MMP26: variants seen among roughly 807,000 people sequenced by gnomAD.
MMP26 encodes matrix metallopeptidase 26, also known as matrix metalloproteinase-26.
MMP26 carries 33 observed loss-of-function variants against 31.0 expected under a neutral mutation model. The ratio of observed to expected loss-of-function variants is 1.06; its 90% confidence interval spans 0.81 to 1.42. The LOEUF is 1.42. Ranked by LOEUF, MMP26 falls within the 40% of genes most tolerant of loss-of-function variation. MMP26 has a pLI of 0.00. For missense variants in MMP26, 347 were observed against 316.1 expected (o/e 1.10, Z -0.74); for synonymous variants, 122 against 114.9 (o/e 1.06, Z -0.40).
rs535292433 is a variant in MMP26 at position 4,751,310 on chromosome 11, A to G, written c.-216-15960A>G. ...AGTCTTGTGAAAGCTATAATAATGT[A>G]CACACAGGTGTGCACACATATAAAG... On this transcript the variant is annotated intron_variant, in intron 1 of 7. Coordinates refer to ENST00000380390, the MANE Select transcript of MMP26 (RefSeq NM_021801.5). Among the ~76,000 whole-genome samples the G allele has an allele frequency of 6.0e-4, 91 of 152,300 alleles. 1 individual carries two copies. Among genetic ancestry groups the G allele is most frequent in the Admixed American group, 2.9e-3 (45 of 15,286 alleles).
intron 2 of MMP26, chr11:4,937,971 C>G (rs1453287452): frequency 1.3e-5 from 2 of 152,076 alleles, no homozygotes; most frequent in African/African-American, 4.8e-5. Context: ...TGACTGTAAA[C>G]AGATGGATAA....
At chr11:4,987,559 CAG>C (rs368738482) in intron 2 of MMP26, among the ~76,000 whole-genome samples, 1,886 of 152,192 alleles carry the variant, frequency 0.012, 49 homozygotes, top group African/African-American at 0.043. Context: ...GCTGGGACTA[CAG>C]GCGCCCACCA....
intron 1 of MMP26, among the ~76,000 whole-genome samples, chr11:4,753,790 G>A (rs1482320001): frequency 6.6e-6 from 1 of 152,022 alleles, no homozygotes; most frequent in Non-Finnish European, 1.5e-5. Flanking sequence ...CATTATATAT[G>A]TTTAATAGGG....
intron 2 of MMP26, chr11:4,769,678 C>A (rs1164671207): frequency 6.2e-7 from 1 of 1,613,038 alleles, no homozygotes; most frequent in Non-Finnish European, 8.5e-7. Flanking sequence ...ATGTTGTTGA[C>A]AATGAAGAAA....
intron 2 of MMP26, chr11:4,803,808 C>T (rs1482508708): frequency 6.2e-7 from 1 of 1,613,062 alleles, no homozygotes; most frequent in South Asian, 1.1e-5. Flanking sequence ...TATCAGCACA[C>T]ACCAACTTCA....
intron 1 of MMP26, among the ~76,000 whole-genome samples, chr11:4,735,187 G>T (rs192558918): frequency 6.6e-6 from 1 of 152,318 alleles, no homozygotes; most frequent in African/African-American, 2.4e-5. Context: ...GCTGGCTTTA[G>T]TTCAAGCACC....
intron 2 of MMP26, among the ~76,000 whole-genome samples, chr11:4,920,260 A>G (rs1851163619): frequency 6.6e-6 from 1 of 152,100 alleles, no homozygotes; most frequent in African/African-American, 2.4e-5. Flanking sequence ...CCAGCCCTGA[A>G]TTTAAACCTT....
chr11:4,989,545 G>A lies in MMP26; in HGVS notation c.100-103G>A, dbSNP rs1408427267. 4 of 864,878 alleles carry A rather than the reference G, an allele frequency of 4.6e-6. No individual in the cohort carries two copies. In the African/African-American group the frequency reaches 6.7e-5, roughly 15 times the overall value. 53.6% of individuals were successfully genotyped at this position (864,878 alleles called of 1,614,324 possible). A position where few individuals can be genotyped will look rare whatever the true frequency, so the allele number is the denominator to read the frequency against. ...AGGAGACTTAGGAAGGCCAGACTAAGTACCGTCCTTCTGAGACCCTCAAAG... is the reference window on the plus strand; with the variant it reads ...AGGAGACTTAGGAAGGCCAGACTAAATACCGTCCTTCTGAGACCCTCAAAG... On this transcript the variant is annotated intron_variant, in intron 3 of 7. Coordinates refer to ENST00000380390, the MANE Select transcript of MMP26 (RefSeq NM_021801.5).
At chr11:4,881,001 A>G (rs1850453253) in intron 2 of MMP26, among the ~76,000 whole-genome samples, 1 of 152,120 alleles carries the variant, frequency 6.6e-6, no homozygotes, top group Non-Finnish European at 1.5e-5. Flanking sequence ...TCTTCTGTAT[A>G]TGAATGGGCA....
rs186044853 is a variant in MMP26, at chr11:4,852,163, A to G, written c.-145+84822A>G. 1.2e-4 allele frequency among the ~76,000 whole-genome samples: 19 copies of G among 152,258 alleles called. No homozygotes were observed. In the East Asian group the frequency reaches 3.7e-3, roughly 29 times the overall value. The stretch of plus-strand genomic sequence containing the variant: ...TATACTAATATCATATAACAATCAT[A>G]AATGCATATATAAAGAACACTAGAT... On this transcript the variant is annotated intron_variant, in intron 2 of 7. Coordinates refer to ENST00000380390, the MANE Select transcript of MMP26 (RefSeq NM_021801.5).
chr11:4,789,616 C>T (rs974467199), intron 2 of MMP26, among the ~76,000 whole-genome samples: 2 of 134,142 alleles, frequency 1.5e-5, no homozygotes, highest in African/African-American at 5.5e-5. Context: ...TCTCGGCTCA[C>T]TGCAACCTCT....
intron 2 of MMP26, among the ~76,000 whole-genome samples, chr11:4,983,269 C>T (rs1443917490): frequency 6.6e-6 from 1 of 152,160 alleles, no homozygotes; most frequent in African/African-American, 2.4e-5. Context: ...TATCTCATTA[C>T]CCTCTATGCT....
chr11:4,938,851 A>G (rs1846167814), intron 2 of MMP26, among the ~76,000 whole-genome samples: 1 of 152,110 alleles, frequency 6.6e-6, no homozygotes, highest in African/African-American at 2.4e-5. Flanking sequence ...TTAAAAATAA[A>G]AAAACCTTTA....
At chr11:4,946,105 A>G in intron 2 of MMP26, 1 of 1,509,562 alleles carries the variant, frequency 6.6e-7, no homozygotes, top group South Asian at 1.2e-5. Flanking sequence ...GGTTTCTCAA[A>G]TTTACCTTAA....
intron 2 of MMP26, among the ~76,000 whole-genome samples, chr11:4,904,517 G>A (rs1250826485): frequency 6.6e-6 from 1 of 151,940 alleles, no homozygotes; most frequent in Non-Finnish European, 1.5e-5. Context: ...CAATCTTACT[G>A]CTCCTCAGGG....
intron 2 of MMP26, among the ~76,000 whole-genome samples, chr11:4,830,896 G>A (rs532338983): frequency 6.6e-6 from 1 of 152,270 alleles, no homozygotes; most frequent in South Asian, 2.1e-4. Context: ...CAAGAGCTGT[G>A]ACCATTCTGA....
At chr11:4,854,368 AC>A (rs758627071) in intron 2 of MMP26, among the ~76,000 whole-genome samples, 2 of 152,290 alleles carry the variant, frequency 1.3e-5, no homozygotes, top group South Asian at 2.1e-4. Context: ...CTACCCTAAT[AC>A]TGCGCTTTTC....
intron 1 of MMP26, among the ~76,000 whole-genome samples, chr11:4,735,343 G>A (rs1047476712): frequency 1.3e-5 from 2 of 152,008 alleles, no homozygotes; most frequent in Non-Finnish European, 2.9e-5. Flanking sequence ...TATCTATATG[G>A]TTGTATAGCT....
At chr11:4,872,503 C>A (rs1589925496) in intron 2 of MMP26, among the ~76,000 whole-genome samples, 1 of 151,896 alleles carries the variant, frequency 6.6e-6, no homozygotes, top group East Asian at 1.9e-4. Context: ...CCCTCCCCCA[C>A]TCACCCCTGA....
Sources: allele counts gnomAD v4.1 joint callset (sites outside exome capture counted in the v4.1 genomes callset), GRCh38; gene constraint gnomAD v4.1.1; transcripts MANE v1.5; gene names NCBI Gene and HGNC (gene_info 2026-07-23, HGNC 2026-07-21).